Variants in BICD1 observed in about 807,000 individuals in gnomAD.
BICD1 encodes BICD cargo adaptor 1, also known as protein bicaudal D homolog 1.
A neutral mutation model predicts 92.5 loss-of-function variants in BICD1; 35 were observed. That is an observed-to-expected ratio of 0.38 (90% CI 0.29 to 0.50). The LOEUF (loss-of-function observed/expected upper bound fraction) is 0.50, where lower values mean the gene tolerates loss of function less well. BICD1 is among the 20% of genes least tolerant of loss of function. The pLI, the probability that BICD1 is intolerant of heterozygous loss-of-function variation, is 0.93. For missense variants in BICD1, 950 were observed against 1,189.8 expected (o/e 0.80, Z 2.97); for synonymous variants, 429 against 465.1 (o/e 0.92, Z 1.00).
At chr12:32,332,493 G>GCAC in intron 5 of BICD1, 1 of 957,360 alleles carries the variant, frequency 1.0e-6, no homozygotes, top group Admixed American at 6.2e-5. Context: ...TGCTTATGAA[G>GCAC]CACCGTCCAT....
intron 8 of BICD1, among the ~76,000 whole-genome samples, chr12:32,351,508 A>G (rs1270567707): frequency 1.1e-4 from 16 of 149,800 alleles, no homozygotes; most frequent in African/African-American, 2.2e-4. Flanking sequence ...AAAAAAAAAA[A>G]AAAGAAAGGA....
At chr12:32,192,038 AT>A in intron 1 of BICD1, among the ~76,000 whole-genome samples, 1 of 152,220 alleles carries the variant, frequency 6.6e-6, no homozygotes, top group Admixed American at 6.5e-5. Context: ...AAGAAGGCAT[AT>A]TGAAAGCCCA....
Position 32,225,148 on chromosome 12 carries a change from C to G in BICD1, c.426+8689C>G, listed in dbSNP as rs565721196. 3.3e-5 allele frequency among the ~76,000 whole-genome samples: 5 copies of G among 152,308 alleles called. No homozygotes were observed. In the East Asian group the frequency reaches 9.6e-4, roughly 29 times the overall value. On this transcript the variant is annotated intron_variant, in intron 2 of 9. Coordinates refer to ENST00000652176, the MANE Select transcript of BICD1 (RefSeq NM_001714.4). The stretch of plus-strand genomic sequence containing the variant: ...AGCCTCTGATAACCAATGATCTATT[C>G]TCTATTACTATAGTTTTGTTTTATT...
In BICD1 at chr12:32,362,556, G is replaced by A. The variant is rs114007903; in HGVS notation, c.2765-5114G>A. On this transcript the variant is annotated intron_variant, in intron 8 of 9. Coordinates refer to ENST00000652176, the MANE Select transcript of BICD1 (RefSeq NM_001714.4). ...CATTTTGCTTTGTATTTTTGAGAGC[G>A]CTGGTTGCCTTAAAATCAGTATCTC... Among the ~76,000 whole-genome samples, 646 of 152,162 alleles carry A rather than the reference G, an allele frequency of 4.2e-3. 3 individuals carry two copies. Among genetic ancestry groups the A allele is most frequent in the African/African-American group, 0.014 (590 of 41,526 alleles).
chr12:32,341,056 A>C (rs546803144), intron 8 of BICD1, among the ~76,000 whole-genome samples: 14 of 152,308 alleles, frequency 9.2e-5, no homozygotes, highest in Non-Finnish European at 1.8e-4. Context: ...TACTTTATCC[A>C]CACTGTGCAC....
chr12:32,256,411 A>C (rs1946722270), intron 2 of BICD1, among the ~76,000 whole-genome samples: 1 of 152,164 alleles, frequency 6.6e-6, no homozygotes, highest in South Asian at 2.1e-4. Flanking sequence ...TATGATTATC[A>C]TCCCCACTTT....
chr12:32,351,866 G>A (rs1282298837), intron 8 of BICD1, among the ~76,000 whole-genome samples: 5 of 149,582 alleles, frequency 3.3e-5, no homozygotes, highest in African/African-American at 7.4e-5. Flanking sequence ...CCAAGATGGC[G>A]CCACTGCACT....
chr12:32,306,240 T>C, intron 4 of BICD1, 118 bp downstream of exon 4: 2 of 1,094,378 alleles, frequency 1.8e-6, no homozygotes, highest in Non-Finnish European at 2.5e-6. Flanking sequence ...TCTTTTCTTC[T>C]CTTTTCTTTT....
At chr12:32,203,646 A>G (rs1334148378) in intron 1 of BICD1, among the ~76,000 whole-genome samples, 1 of 152,222 alleles carries the variant, frequency 6.6e-6, no homozygotes, top group Admixed American at 6.5e-5. Context: ...GGAGCTAAGT[A>G]AAAATGCTAT....
At chr12:32,249,071 G>A (rs1946463055) in intron 2 of BICD1, among the ~76,000 whole-genome samples, 1 of 152,192 alleles carries the variant, frequency 6.6e-6, no homozygotes, top group African/African-American at 2.4e-5. Flanking sequence ...CGGGTTGGAG[G>A]TTCTCCAGGG....
chr12:32,195,512 A>G (rs988529905), intron 1 of BICD1, among the ~76,000 whole-genome samples: 22 of 152,372 alleles, frequency 1.4e-4, no homozygotes, highest in African/African-American at 5.3e-4. Context: ...CAAGGGTGCC[A>G]AGAATACACA....
chr12:32,184,857 A>T (rs895944821), intron 1 of BICD1, among the ~76,000 whole-genome samples: 18 of 152,250 alleles, frequency 1.2e-4, no homozygotes, highest in African/African-American at 4.1e-4. Flanking sequence ...TGACAAAATT[A>T]GTTCTTATTA....
chr12:32,291,335 G>A (rs890140881), intron 2 of BICD1, among the ~76,000 whole-genome samples: 6 of 151,514 alleles, frequency 4.0e-5, no homozygotes, highest in South Asian at 4.2e-4. Flanking sequence ...CCAGGCATTC[G>A]AGACCAGCTT....
rs923612421 is a variant in BICD1, at chr12:32,151,567, C to T, written c.213+44023C>T. Among the ~76,000 whole-genome samples, 7 of 152,250 alleles carry T rather than the reference C, an allele frequency of 4.6e-5. No homozygotes were observed. The Middle Eastern group carries it at 0.01, about 222-fold the overall frequency. On this transcript the variant is annotated intron_variant, in intron 1 of 9. Coordinates refer to ENST00000652176, the MANE Select transcript of BICD1 (RefSeq NM_001714.4). ...ATCGAAGGTTATGTTCTCAGGCATC[C>T]CTAGCTTATAAGTGTACATTATGTT...
chr12:32,337,571 T>C lies in BICD1; in HGVS notation c.2325T>C (p.Thr775=). The part of the protein sequence containing the change: ...QLAAAEDEKK[T]LNTLLRMAIQ... ...CAGCTGCAGAGGATGAGAAGAAGACTCTGAACACTTTGTTACGAATGGCTA... is the reference window on the plus strand; with the variant it reads ...CAGCTGCAGAGGATGAGAAGAAGACCCTGAACACTTTGTTACGAATGGCTA... The change falls in exon 7 of 10, where the codon ACT becomes ACC. Residue 775 remains threonine, a synonymous_variant. Coordinates refer to ENST00000652176, the MANE Select transcript of BICD1 (RefSeq NM_001714.4). This position sits in a 1 kb window ranked among gnomAD's most constrained non-coding sequence, Gnocchi z 4.7. 1 of 1,614,176 alleles carries C rather than the reference T, an allele frequency of 6.2e-7. No individual in the cohort carries two copies. Among genetic ancestry groups the C allele is most frequent in the Non-Finnish European group, 8.5e-7 (1 of 1,180,040 alleles).
intron 8 of BICD1, among the ~76,000 whole-genome samples, chr12:32,351,433 G>T (rs564960229): frequency 3.3e-4 from 42 of 127,078 alleles, no homozygotes; most frequent in African/African-American, 1.2e-3. Flanking sequence ...GCTGCAGTGA[G>T]CCAAGATGGT....
At chr12:32,166,775 G>T (rs1943783038) in intron 1 of BICD1, among the ~76,000 whole-genome samples, 1 of 152,194 alleles carries the variant, frequency 6.6e-6, no homozygotes, top group Admixed American at 6.5e-5. Context: ...TGTAGTCCCA[G>T]ATTGGAATCC....
chr12:32,336,447 T>C (rs1938129151), intron 6 of BICD1, among the ~76,000 whole-genome samples: 1 of 152,184 alleles, frequency 6.6e-6, no homozygotes, highest in Non-Finnish European at 1.5e-5. Flanking sequence ...GGGTTTTCTG[T>C]TTTTTGTTTT....
chr12:32,201,891 A>C (rs1373963768), intron 1 of BICD1, among the ~76,000 whole-genome samples: 1 of 152,174 alleles, frequency 6.6e-6, no homozygotes, highest in Non-Finnish European at 1.5e-5. Flanking sequence ...ATATTCTGCT[A>C]AGCAAGCAAT....
Sources: gnomAD v4.1 joint callset for allele counts (sites outside exome capture counted in the v4.1 genomes callset) on GRCh38, gnomAD v4.1.1 for gene constraint, Gnocchi (gnomAD v3.1) non-coding constraint, MANE v1.5 for transcripts, NCBI Gene and HGNC (gene_info 2026-07-23, HGNC 2026-07-21) for gene names.